Variants in CNOT10 observed in about 807,000 individuals in gnomAD.
The protein encoded by CNOT10 is CCR4-NOT transcription complex, subunit 10.
CNOT10 carries 30 observed loss-of-function variants against 94.6 expected under a neutral mutation model. The ratio of observed to expected loss-of-function variants is 0.32; its 90% confidence interval spans 0.24 to 0.43. The LOEUF is 0.43. Ranked by LOEUF, CNOT10 falls within the 20% of genes least tolerant of loss-of-function variation. The pLI, the probability that CNOT10 is intolerant of heterozygous loss-of-function variation, is 1.00. For synonymous variants in CNOT10, 289 were observed against 301.6 expected, an observed-to-expected ratio of 0.96 and a Z score of 0.43; for missense variants, 759 against 877.2, an observed-to-expected ratio of 0.87 and a Z score of 1.70.
chr3:32,738,421 T>C (rs1373213352), intron 13 of CNOT10, among the ~76,000 whole-genome samples: 1 of 152,106 alleles, frequency 6.6e-6, no homozygotes, highest in East Asian at 1.9e-4. Context: ...TTTTTGATAA[T>C]GAATTCAACT....
rs746767255 is a variant in CNOT10, at chr3:32,721,647, C to CT, written c.862+1433dup. Among the ~76,000 whole-genome samples the CT allele has an allele frequency of 2.0e-3, 261 of 131,590 alleles. 1 individual carries two copies. The highest frequency in any genetic ancestry group is 2.3e-3 in the Non-Finnish European group (138 of 60,624). 86.3% of individuals were successfully genotyped at this position (131,590 alleles called of 152,430 possible). ...AGGAAGATAAGTATTATTACATATTCTTTTTTTTTTTTTTTTTGAGCCAGT... is the reference window on the plus strand; with the variant it reads ...AGGAAGATAAGTATTATTACATATTCTTTTTTTTTTTTTTTTTTGAGCCAGT... On this transcript the variant is annotated intron_variant, in intron 8 of 18. Coordinates refer to ENST00000328834, the MANE Select transcript of CNOT10 (RefSeq NM_015442.3).
At chr3:32,714,237 C>G (rs892301073) in intron 5 of CNOT10, among the ~76,000 whole-genome samples, 26 of 152,106 alleles carry the variant, frequency 1.7e-4, no homozygotes, top group Admixed American at 5.2e-4. Flanking sequence ...TATCTTGTTA[C>G]AGTTTTGATT....
At chr3:32,747,941 C>T (rs1699776699) in intron 13 of CNOT10, among the ~76,000 whole-genome samples, 1 of 151,910 alleles carries the variant, frequency 6.6e-6, no homozygotes. Context: ...AGCAAGACTC[C>T]GTCCCAACGC....
At chr3:32,713,686 C>T (rs963914820) in intron 5 of CNOT10, among the ~76,000 whole-genome samples, 5 of 152,116 alleles carry the variant, frequency 3.3e-5, no homozygotes, top group African/African-American at 1.2e-4. Flanking sequence ...CCCAAGCAGC[C>T]GTTAATCTAA....
intron 10 of CNOT10, 101 bp from the exon 11 acceptor site, chr3:32,733,322 A>G (rs1559499623): frequency 1.3e-5 from 12 of 936,506 alleles, no homozygotes; most frequent in Non-Finnish European, 1.5e-5. Flanking sequence ...GACTTTAAGA[A>G]CTTTCTTAAA....
intron 1 of CNOT10, among the ~76,000 whole-genome samples, chr3:32,694,697 C>A (rs1471644497): frequency 1.3e-5 from 2 of 152,092 alleles, no homozygotes; most frequent in Non-Finnish European, 2.9e-5. Context: ...TCAAGTGATT[C>A]TCCCGCCTCA....
chr3:32,747,732 G>C (rs545464626), intron 13 of CNOT10, among the ~76,000 whole-genome samples: 1 of 152,068 alleles, frequency 6.6e-6, no homozygotes, highest in East Asian at 1.9e-4. Context: ...GGCAGATCAC[G>C]AGGTCAAGAG....
intron 10 of CNOT10, among the ~76,000 whole-genome samples, chr3:32,732,813 T>C (rs975249167): frequency 3.3e-5 from 5 of 152,168 alleles, no homozygotes; most frequent in Non-Finnish European, 7.3e-5. Context: ...AGATAATACA[T>C]CTTAATCAAA....
intron 17 of CNOT10, among the ~76,000 whole-genome samples, chr3:32,767,542 ATG>A (rs1401460674): frequency 5.3e-5 from 7 of 133,138 alleles, no homozygotes; most frequent in African/African-American, 1.9e-4. Context: ...AAAAAAGCCT[ATG>A]TGGCTTTCAC....
chr3:32,726,835 AAT>A (rs1491127773), intron 9 of CNOT10, among the ~76,000 whole-genome samples: 42 of 109,832 alleles, frequency 3.8e-4, no homozygotes, highest in Admixed American at 1.1e-3. Context: ...AACCAAGATG[AAT>A]TTTTTTTTTT....
chr3:32,741,397 T>C (rs1699453848), intron 13 of CNOT10, among the ~76,000 whole-genome samples: 1 of 152,286 alleles, frequency 6.6e-6, no homozygotes, highest in Non-Finnish European at 1.5e-5. Context: ...CAGGTATTTA[T>C]GTGCACATAA....
At chr3:32,717,537 A>G (rs1427107550) in intron 7 of CNOT10, among the ~76,000 whole-genome samples, 2 of 152,074 alleles carry the variant, frequency 1.3e-5, no homozygotes, top group African/African-American at 4.8e-5. Context: ...TGCTAATATT[A>G]GACATTTAGG....
intron 10 of CNOT10, among the ~76,000 whole-genome samples, chr3:32,730,127 C>T (rs1232138030): frequency 6.6e-6 from 1 of 152,102 alleles, no homozygotes; most frequent in Non-Finnish European, 1.5e-5. Context: ...TCTCTTTAAT[C>T]TGTTTATAAA....
At chr3:32,732,601 G>T (rs1178876489) in intron 10 of CNOT10, among the ~76,000 whole-genome samples, 1 of 147,458 alleles carries the variant, frequency 6.8e-6, no homozygotes, top group Non-Finnish European at 1.5e-5. Flanking sequence ...AGAAAAAAAA[G>T]AAAGGAAAAA....
At chr3:32,767,827 C>T (rs1307426849) in intron 17 of CNOT10, among the ~76,000 whole-genome samples, 1 of 152,110 alleles carries the variant, frequency 6.6e-6, no homozygotes, top group Non-Finnish European at 1.5e-5. Flanking sequence ...CTCAAAGTGC[C>T]CCCAGACCTC....
At chr3:32,717,393 C>CTA (rs987252621) in intron 7 of CNOT10, among the ~76,000 whole-genome samples, 156 bp downstream of exon 7, 5 of 151,118 alleles carry the variant, frequency 3.3e-5, no homozygotes, top group Non-Finnish European at 5.9e-5. Flanking sequence ...AATACTGTGT[C>CTA]TATAGTTTAA....
intron 4 of CNOT10, among the ~76,000 whole-genome samples, chr3:32,712,247 A>G (rs573334751): frequency 6.6e-6 from 1 of 151,742 alleles, no homozygotes; most frequent in East Asian, 1.9e-4. Flanking sequence ...AAGGAACCTC[A>G]CAAGATCCCC....
chr3:32,753,340 T>C, intron 13 of CNOT10: 1 of 1,178,548 alleles, frequency 8.5e-7, no homozygotes. Context: ...ATGACTGGTA[T>C]CAAACAGAAT....
At chr3:32,730,666 A>G (rs1698902546) in intron 10 of CNOT10, 1 of 152,244 alleles carries the variant, frequency 6.6e-6, no homozygotes, top group South Asian at 2.1e-4. Flanking sequence ...TAGTCAGGAC[A>G]GGAGGTATGC....
Sources: allele counts gnomAD v4.1 joint callset (sites outside exome capture counted in the v4.1 genomes callset), GRCh38; gene constraint gnomAD v4.1.1; transcripts MANE v1.5; gene names NCBI Gene and HGNC (gene_info 2026-07-23, HGNC 2026-07-21).